The following A1CF variants were observed in gnomAD, a reference collection of about 807,000 sequenced individuals.
A1CF encodes the protein APOBEC-1 stimulating protein.
In A1CF, 48 loss-of-function variants were observed where a neutral mutation model predicts 68.9. The observed-to-expected ratio is 0.70, with a 90% CI of 0.55 to 0.89. The LOEUF is 0.89. A1CF is among the 40% of genes least tolerant of loss of function. A1CF has a pLI of 0.00. For synonymous variants in A1CF, 272 were observed against 260.4 expected (o/e 1.04, Z -0.43); for missense variants, 653 against 718.9 (o/e 0.91, Z 1.05).
intron 3 of A1CF, among the ~76,000 whole-genome samples, chr10:50,846,641 A>C (rs1840013015): frequency 6.6e-6 from 1 of 152,246 alleles, no homozygotes; most frequent in African/African-American, 2.4e-5. Flanking sequence ...GGCAACCAGC[A>C]GATTGACCTG....
chr10:50,885,204 T>C (rs1841951164), intron 1 of A1CF, among the ~76,000 whole-genome samples: 1 of 152,210 alleles, frequency 6.6e-6, no homozygotes, highest in Non-Finnish European at 1.5e-5. Context: ...ATGTTAATAC[T>C]ATTTCTTTTG....
At chr10:50,848,790 C>T (rs1840108973) in intron 3 of A1CF, among the ~76,000 whole-genome samples, 1 of 152,128 alleles carries the variant, frequency 6.6e-6, no homozygotes, top group African/African-American at 2.4e-5. Context: ...TATTCCTGCT[C>T]CTGTTCCCTT....
chr10:50,850,793 G>A, intron 3 of A1CF: 1 of 1,612,804 alleles, frequency 6.2e-7, no homozygotes, highest in Non-Finnish European at 8.5e-7. Flanking sequence ...TCCATCTATA[G>A]GAACCTCTAA....
At chr10:50,847,690 C>G (rs987857237) in intron 3 of A1CF, among the ~76,000 whole-genome samples, 2 of 152,170 alleles carry the variant, frequency 1.3e-5, no homozygotes, top group African/African-American at 4.8e-5. Context: ...ATTTTTCTAG[C>G]CTTCCTTGCA....
At chr10:50,819,419 A>C (rs1291961564) in intron 8 of A1CF, among the ~76,000 whole-genome samples, 2 of 151,860 alleles carry the variant, frequency 1.3e-5, no homozygotes, top group Non-Finnish European at 2.9e-5. Flanking sequence ...CACTGCACCC[A>C]GCAACTTCTT....
rs999047025 is a variant in A1CF at position 50,799,932 on chromosome 10, T to C, written c.*6797A>G. 9 of 152,098 alleles carry C rather than the reference T, an allele frequency of 5.9e-5. No homozygotes were observed. The highest frequency in any genetic ancestry group is 6.6e-5 in the Admixed American group (1 of 15,266). 9.4% of individuals were successfully genotyped at this position (152,098 alleles called of 1,614,324 possible). A position where few individuals can be genotyped will look rare whatever the true frequency, so the allele number is the denominator to read the frequency against. Reference sequence around the variant, plus strand: ...TGGTTACATTAAATATTTAAACCAGTGATAATGATGAATTGATTTAAATAG... The same window carrying C: ...TGGTTACATTAAATATTTAAACCAGCGATAATGATGAATTGATTTAAATAG... On this transcript the variant is annotated 3_prime_UTR_variant, in exon 13 of 13. Coordinates refer to ENST00000373997, the MANE Select transcript of A1CF (RefSeq NM_014576.4).
At chr10:50,849,373 T>G (rs1403999126) in intron 3 of A1CF, among the ~76,000 whole-genome samples, 1 of 152,234 alleles carries the variant, frequency 6.6e-6, no homozygotes. Context: ...AAGTTGGCAT[T>G]ATTTCTATTG....
intron 6 of A1CF, among the ~76,000 whole-genome samples, chr10:50,834,695 A>G (rs950316754): frequency 4.6e-5 from 7 of 152,176 alleles, no homozygotes; most frequent in African/African-American, 1.7e-4. Context: ...TATTTGCAAG[A>G]AGGTGTTGAA....
At chr10:50,825,183 A>G (rs1838858922) in intron 7 of A1CF, among the ~76,000 whole-genome samples, 1 of 152,160 alleles carries the variant, frequency 6.6e-6, no homozygotes, top group South Asian at 2.1e-4. Flanking sequence ...CGATGTGAGT[A>G]TGTGCAAGTG....
In A1CF at chr10:50,818,440, A is replaced by G. The variant is rs139252856; in HGVS notation, c.867+2112T>C. ...TTAAATATATATTTAACTAAATAATATGTGTAAATAATTACTCTAAAAATA... is the reference window on the plus strand; with the variant it reads ...TTAAATATATATTTAACTAAATAATGTGTGTAAATAATTACTCTAAAAATA... On this transcript the variant is annotated intron_variant, in intron 8 of 12. Transcript: ENST00000373997. Among the ~76,000 whole-genome samples the G allele has an allele frequency of 4.0e-3, 605 of 152,024 alleles. 4 individuals carry two copies. The highest frequency in any genetic ancestry group is 0.014 in the African/African-American group (578 of 41,548).
intron 3 of A1CF, among the ~76,000 whole-genome samples, chr10:50,855,943 G>A (rs1840459002): frequency 6.6e-6 from 1 of 151,882 alleles, no homozygotes; most frequent in Admixed American, 6.6e-5. Context: ...TGTTCTTAAT[G>A]TTGCCTTTCT....
chr10:50,872,297 A>G (rs1464313993), intron 1 of A1CF, among the ~76,000 whole-genome samples: 1 of 152,208 alleles, frequency 6.6e-6, no homozygotes, highest in East Asian at 1.9e-4. Flanking sequence ...TGAAAATTTT[A>G]AACATAATTC....
In A1CF at chr10:50,805,824, A is replaced by G. The variant is rs1837790874; in HGVS notation, c.*905T>C. Reference sequence around the variant, plus strand: ...AAATGACTTTTCAGTCAATTTGCTGAAAGGAAGAAGTATCATAAATGATAT... The same window carrying G: ...AAATGACTTTTCAGTCAATTTGCTGGAAGGAAGAAGTATCATAAATGATAT... On this transcript the variant is annotated 3_prime_UTR_variant, in exon 13 of 13. Transcript: ENST00000373997. 6.6e-6 allele frequency: 1 copy of G among 152,240 alleles called. No individual in the cohort carries two copies. The highest frequency in any genetic ancestry group is 1.5e-5 in the Non-Finnish European group (1 of 68,044). 9.4% of individuals were successfully genotyped at this position (152,240 alleles called of 1,614,324 possible). A position where few individuals can be genotyped will look rare whatever the true frequency, so the allele number is the denominator to read the frequency against.
intron 1 of A1CF, among the ~76,000 whole-genome samples, chr10:50,870,637 G>T (rs1188764515): frequency 2.0e-5 from 3 of 151,818 alleles, no homozygotes; most frequent in Non-Finnish European, 4.4e-5. Flanking sequence ...AACATTCAAT[G>T]TTTTCCTCCC....
At chr10:50,835,822 GA>G (rs1163581126) in intron 6 of A1CF, among the ~76,000 whole-genome samples, 14 of 152,094 alleles carry the variant, frequency 9.2e-5, no homozygotes, top group Non-Finnish European at 1.9e-4. Context: ...TTCATCAAAG[GA>G]TTGCTGTACT....
At chr10:50,870,347 C>G (rs1294161489) in intron 1 of A1CF, among the ~76,000 whole-genome samples, 2 of 151,758 alleles carry the variant, frequency 1.3e-5, no homozygotes, top group Non-Finnish European at 3.0e-5. Context: ...ATTAATAAAA[C>G]AAATTTGTAG....
chr10:50,814,655 TTAC>T (rs1405306321), intron 9 of A1CF, among the ~76,000 whole-genome samples: 2 of 152,250 alleles, frequency 1.3e-5, no homozygotes, highest in African/African-American at 4.8e-5. Context: ...TTTTGCCATG[TTAC>T]TACTTTGATT....
In A1CF at chr10:50,827,930, G is replaced by A. The variant is rs548634752; in HGVS notation, c.769+201C>T. On this transcript the variant is annotated intron_variant, in intron 7 of 12. Transcript: ENST00000373997. ...AAGAAAAGAGAGAAGAATCAAATAA[G>A]CACAATAAAAAATGATAAAGGGGAT... Among the ~76,000 whole-genome samples the A allele has an allele frequency of 6.3e-4, 95 of 151,684 alleles. 2 individuals carry two copies. The highest frequency in any genetic ancestry group is 2.1e-4 in the South Asian group (1 of 4,806).
Position 50,850,578 on chromosome 10 carries a change from A to G in A1CF, c.100-6456T>C, listed in dbSNP as rs530079863. The G allele has an allele frequency of 2.0e-4, 307 of 1,531,756 alleles. 1 individual carries two copies. In the South Asian group the frequency reaches 3.2e-3, roughly 16 times the overall value. 94.9% of individuals were successfully genotyped at this position (1,531,756 alleles called of 1,614,324 possible). ...TTATTCGAGTGTTTTTCAAAATTAG[A>G]AAACAAAAAGCATTTGTGTGTGTGT... On this transcript the variant is annotated intron_variant, in intron 3 of 12. Coordinates refer to ENST00000373997, the MANE Select transcript of A1CF (RefSeq NM_014576.4).
Sources: gnomAD v4.1 joint callset for allele counts (sites outside exome capture counted in the v4.1 genomes callset) on GRCh38, gnomAD v4.1.1 for gene constraint, MANE v1.5 for transcripts, NCBI Gene and HGNC (gene_info 2026-07-23, HGNC 2026-07-21) for gene names.